The following CDKL1 variants were observed in gnomAD, a reference collection of about 807,000 sequenced individuals.
The protein encoded by CDKL1 is cyclin dependent kinase like 1, also known as cyclin-dependent kinase-like 1.
In CDKL1, 41 loss-of-function variants were observed where a neutral mutation model predicts 42.0. The ratio of observed to expected loss-of-function variants is 0.98; its 90% CI spans 0.76 to 1.27. CDKL1 has a LOEUF of 1.27. CDKL1 is among the 50% of genes most tolerant of loss of function. The probability of loss-of-function intolerance (pLI) is 0.00; values close to 1 mark genes in which losing one functional copy is unlikely to be tolerated. For missense variants in CDKL1, 394 were observed against 428.4 expected, an observed-to-expected ratio of 0.92 and a Z score of 0.71; for synonymous variants, 153 against 158.6, an observed-to-expected ratio of 0.96 and a Z score of 0.26.
chr14:50,392,354 G>A (rs979764446), intron 2 of CDKL1, among the ~76,000 whole-genome samples: 2 of 151,908 alleles, frequency 1.3e-5, no homozygotes, highest in African/African-American at 4.8e-5. Context: ...GCTGAGGCAG[G>A]AGAATCTCTT....
At chr14:50,378,250 T>A in intron 2 of CDKL1, 1 of 1,366,570 alleles carries the variant, frequency 7.3e-7, no homozygotes, top group South Asian at 1.1e-5. Context: ...CCTTAGATTC[T>A]ACCCCACCTC....
intron 4 of CDKL1, 68 bp downstream of exon 4, chr14:50,344,918 T>C: frequency 7.6e-7 from 1 of 1,318,912 alleles, no homozygotes; most frequent in Admixed American, 1.9e-5. Context: ...TGACATAAAC[T>C]TTGTACAAGG....
At chr14:50,348,279 G>GA (rs1344540019) in intron 3 of CDKL1, among the ~76,000 whole-genome samples, 2 of 152,132 alleles carry the variant, frequency 1.3e-5, no homozygotes, top group African/African-American at 2.4e-5. Context: ...AAGGAGTATG[G>GA]AAAAAACTGT....
chr14:50,377,834 A>C, intron 2 of CDKL1: 5 of 775,466 alleles, frequency 6.4e-6, no homozygotes, highest in Non-Finnish European at 8.8e-6. Flanking sequence ...AAAAAAGAAA[A>C]TGACAGGGTC....
Position 50,330,058 on chromosome 14 carries a change from A to AT in CDKL1, c.*15dup. On this transcript the variant is annotated 3_prime_UTR_variant, in exon 10 of 10. Transcript: ENST00000395834. ...ATCTATTGATTCCTTTTTTAAAATC[A>AT]TGTCTCCTAGCTCCTTTAAATGTTT... 1 of 1,601,516 alleles carries AT rather than the reference A, an allele frequency of 6.2e-7. No homozygotes were observed. Among genetic ancestry groups the AT allele is most frequent in the Non-Finnish European group, 8.5e-7 (1 of 1,177,096 alleles).
rs1035893462 is a variant in CDKL1, at chr14:50,326,685, T to A, written c.*3389A>T. The A allele has an allele frequency of 1.5e-5, 15 of 985,304 alleles. No homozygotes were observed. Among genetic ancestry groups the A allele is most frequent in the Admixed American group, 6.1e-5 (1 of 16,262 alleles). The allele number at this position is 985,304 out of a possible 1,614,324, so 61.0% of individuals were successfully genotyped here. ...GCTGAATACAAATAGTTTTGCAGAT[T>A]GCAATATAATAAAGGAAACAGTAAA... On this transcript the variant is annotated 3_prime_UTR_variant, in exon 10 of 10. Coordinates refer to ENST00000395834, the MANE Select transcript of CDKL1 (RefSeq NM_004196.7).
At chr14:50,377,856 G>T in intron 2 of CDKL1, 2 of 585,862 alleles carry the variant, frequency 3.4e-6, no homozygotes, top group Non-Finnish European at 5.0e-6. Flanking sequence ...GGTTAGCCAC[G>T]AACAGTCATC....
chr14:50,360,448 C>A (rs992948414), intron 2 of CDKL1, among the ~76,000 whole-genome samples: 2 of 152,114 alleles, frequency 1.3e-5, no homozygotes, highest in Non-Finnish European at 1.5e-5. Flanking sequence ...CACTCTATTG[C>A]CCAGGCTGGA....
intron 7 of CDKL1, chr14:50,334,939 G>A (rs1018703166): frequency 3.5e-5 from 8 of 230,508 alleles, no homozygotes; most frequent in Non-Finnish European, 6.7e-5. Flanking sequence ...TTGAGGGGGT[G>A]GGGGGGCTCA....
intron 3 of CDKL1, among the ~76,000 whole-genome samples, chr14:50,347,822 C>T (rs1404792092): frequency 6.6e-6 from 1 of 152,160 alleles, no homozygotes; most frequent in Non-Finnish European, 1.5e-5. Context: ...CGGAAGGAAG[C>T]TGTGAGACCC....
Position 50,359,088 on chromosome 14 carries a change from T to A in CDKL1, c.230A>T (p.His77Leu). The A allele has an allele frequency of 6.2e-7, 1 of 1,613,086 alleles. No individual in the cohort carries two copies. Among genetic ancestry groups the A allele is most frequent in the South Asian group, 1.1e-5 (1 of 91,052 alleles). ...LEVFRRKRRL[H>L]LVFEYCDHTV... is the part of the protein sequence containing the mutation. ...GTGGTCACAATATTCAAACACCAGG[T>A]GAAGCCTCCGTTTCCTCCTGAAGAC... Residue 77 changes from histidine (H) to leucine (L), a missense_variant, in exon 3 of 10, where the codon CAC becomes CTC. His to Leu is a moderately conservative substitution (Grantham distance 99). Transcript: ENST00000395834.
chr14:50,396,185 CAAAAAAAAAAAAAAA>C lies in CDKL1; in HGVS notation c.-332_-318del, dbSNP rs55765101. The C allele has an allele frequency of 1.0e-5, 9 of 862,570 alleles. No individual in the cohort carries two copies. The highest frequency in any genetic ancestry group is 6.0e-5 in the South Asian group (1 of 16,734). 53.4% of individuals were successfully genotyped at this position (862,570 alleles called of 1,614,324 possible). A position where few individuals can be genotyped will look rare whatever the true frequency, so the allele number is the denominator to read the frequency against. On this transcript the variant is annotated 5_prime_UTR_variant, in exon 2 of 10. Coordinates refer to ENST00000395834, the MANE Select transcript of CDKL1 (RefSeq NM_004196.7). ...CGGGCGACAGAGCGAGATTCCGTCT[CAAAAAAAAAAAAAAA>C]AAAAAAAAAAAAAGAAAGAAAGAAA...
chr14:50,397,087 A>C, upstream of CDKL1: 1 of 1,351,412 alleles, frequency 7.4e-7, no homozygotes, highest in Non-Finnish European at 9.9e-7. Flanking sequence ...CCGGGAGAGC[A>C]GACCTGCTAG....
chr14:50,339,535 A>AG (rs3837600), intron 6 of CDKL1, among the ~76,000 whole-genome samples: 434 of 13,820 alleles, frequency 0.031, 8 homozygotes, highest in East Asian at 0.23. Flanking sequence ...AGAGGGAGGG[A>AG]GGGAGGGGAG....
At chr14:50,353,858 AC>A (rs1376458577) in intron 3 of CDKL1, among the ~76,000 whole-genome samples, 1 of 152,056 alleles carries the variant, frequency 6.6e-6, no homozygotes, top group African/African-American at 2.4e-5. Flanking sequence ...TAGCAACAAG[AC>A]CCTGTTTCTA....
intron 2 of CDKL1, among the ~76,000 whole-genome samples, chr14:50,373,124 G>A (rs1480617030): frequency 6.6e-6 from 1 of 152,036 alleles, no homozygotes; most frequent in Non-Finnish European, 1.5e-5. Flanking sequence ...ATTGCTTTGG[G>A]TAGTATGGAC....
chr14:50,332,012 G>A, intron 9 of CDKL1: 1 of 1,534,618 alleles, frequency 6.5e-7, no homozygotes, highest in Non-Finnish European at 8.7e-7. Flanking sequence ...TGAGACCTGT[G>A]CTCATGCAGG....
At chr14:50,389,558 G>C (rs973922233) in intron 2 of CDKL1, among the ~76,000 whole-genome samples, 1 of 151,988 alleles carries the variant, frequency 6.6e-6, no homozygotes, top group Non-Finnish European at 1.5e-5. Context: ...TCTGCATTAC[G>C]TTGTGATATT....
intron 3 of CDKL1, among the ~76,000 whole-genome samples, chr14:50,356,465 G>T (rs1042989671): frequency 6.6e-6 from 1 of 152,176 alleles, no homozygotes; most frequent in Non-Finnish European, 1.5e-5. Flanking sequence ...AAAAGAAAAT[G>T]TGGTATATAC....
Sources: gnomAD v4.1 joint callset for allele counts (sites outside exome capture counted in the v4.1 genomes callset) on GRCh38, gnomAD v4.1.1 for gene constraint, MANE v1.5 for transcripts, NCBI Gene and HGNC (gene_info 2026-07-23, HGNC 2026-07-21) for gene names.